Variants in SAMD5 observed in about 807,000 individuals in gnomAD.
The protein encoded by SAMD5 is sterile alpha motif domain containing 5, also known as sterile alpha motif domain-containing protein 5.
Under a neutral mutation model 11.3 loss-of-function variants are expected in SAMD5, and 13 were observed. The ratio of observed to expected loss-of-function variants is 1.15; its 90% confidence interval spans 0.75 to 1.83. The LOEUF is 1.83. SAMD5 is among the 40% of genes most tolerant of loss of function. The pLI is 0.00. For missense variants in SAMD5, 255 were observed against 239.1 expected (o/e 1.07, Z -0.44); for synonymous variants, 129 against 111.3 (o/e 1.16, Z -1.00).
chr6:147,685,282 C>T (rs1430757483), intron 1 of SAMD5, among the ~76,000 whole-genome samples: 3 of 152,100 alleles, frequency 2.0e-5, no homozygotes, highest in Non-Finnish European at 4.4e-5. Flanking sequence ...CTGCAACCTC[C>T]ACCTCCCAGG....
the SAMD5 span, among the ~76,000 whole-genome samples, chr6:147,823,066 C>T: frequency 6.6e-6 from 1 of 152,202 alleles, no homozygotes; most frequent in Admixed American, 6.5e-5. Flanking sequence ...ATCCACCTGC[C>T]TCGGCCTCCC....
chr6:147,768,896 C>T, the SAMD5 span, among the ~76,000 whole-genome samples: 5 of 152,116 alleles, frequency 3.3e-5, no homozygotes, highest in African/African-American at 1.2e-4. Flanking sequence ...CAGGTTCAAG[C>T]GATTCTCCTG....
chr6:147,586,240 A>G (rs1463213074), intron 1 of SAMD5, among the ~76,000 whole-genome samples: 2 of 152,188 alleles, frequency 1.3e-5, no homozygotes, highest in African/African-American at 2.4e-5. Context: ...AATGTCTTCA[A>G]TTACGGGCAA....
intron 1 of SAMD5, among the ~76,000 whole-genome samples, chr6:147,665,957 G>C (rs1326849099): frequency 1.3e-5 from 2 of 152,068 alleles, no homozygotes; most frequent in African/African-American, 2.4e-5. Context: ...TGTTTGTTTT[G>C]AGACAGGGTC....
At chr6:147,525,190 G>A (rs1347309618) in intron 1 of SAMD5, among the ~76,000 whole-genome samples, 1 of 150,822 alleles carries the variant, frequency 6.6e-6, no homozygotes, top group Non-Finnish European at 1.5e-5. Context: ...GTGCCCTCAA[G>A]AACTTATTGT....
At chr6:147,863,624 T>C in the SAMD5 span, among the ~76,000 whole-genome samples, 1 of 152,026 alleles carries the variant, frequency 6.6e-6, no homozygotes, top group Non-Finnish European at 1.5e-5. Context: ...TTATGGCATT[T>C]TTTTTTTCAG....
At chr6:147,911,731 A>C in the SAMD5 span, among the ~76,000 whole-genome samples, 1 of 152,354 alleles carries the variant, frequency 6.6e-6, no homozygotes, top group African/African-American at 2.4e-5. Flanking sequence ...CCAAAAACTT[A>C]GTGTCCTAAT....
the SAMD5 span, among the ~76,000 whole-genome samples, chr6:147,902,141 A>G: frequency 6.1e-5 from 7 of 114,930 alleles, no homozygotes; most frequent in Non-Finnish European, 1.2e-4. Context: ...ATCAAGGGGG[A>G]AAAAAAAGCA....
intron 1 of SAMD5, among the ~76,000 whole-genome samples, chr6:147,605,575 A>T (rs1789687239): frequency 6.6e-6 from 1 of 152,200 alleles, no homozygotes; most frequent in Non-Finnish European, 1.5e-5. Flanking sequence ...AAACAAAGCA[A>T]TGTACAGAAA....
the SAMD5 span, among the ~76,000 whole-genome samples, chr6:147,818,834 C>T: frequency 6.6e-6 from 1 of 152,148 alleles, no homozygotes; most frequent in African/African-American, 2.4e-5. Context: ...CCTTGTGACC[C>T]TTCAGTCCTA....
the SAMD5 span, among the ~76,000 whole-genome samples, chr6:147,812,728 T>C: frequency 6.6e-6 from 1 of 152,176 alleles, no homozygotes; most frequent in Non-Finnish European, 1.5e-5. Context: ...CCACAGGCAC[T>C]AGATAACTCT....
rs549272528 is a variant in SAMD5 at position 147,711,624 on chromosome 6, G to T, written c.163-25693G>T. On this transcript the variant is annotated intron_variant, in intron 1 of 1. Coordinates refer to the SAMD5 transcript ENST00000566741. This position sits in a 1 kb window ranked among gnomAD's most constrained non-coding sequence, Gnocchi z 4.1. Reference sequence around the variant, plus strand: ...AGAGAGTAAAGAAAAGGCTAGGAATGCCAAATTAAATTTCTTGGAAAATAG... The same window carrying T: ...AGAGAGTAAAGAAAAGGCTAGGAATTCCAAATTAAATTTCTTGGAAAATAG... 6.6e-6 allele frequency among the ~76,000 whole-genome samples: 1 copy of T among 152,334 alleles called. No individual in the cohort carries two copies. The highest frequency in any genetic ancestry group is 2.1e-4 in the South Asian group (1 of 4,824).
At chr6:147,669,546 G>A (rs951116286) in intron 1 of SAMD5, among the ~76,000 whole-genome samples, 4 of 148,936 alleles carry the variant, frequency 2.7e-5, no homozygotes, top group Non-Finnish European at 5.9e-5. Context: ...TCCTGCCTCA[G>A]CCTCCCAAGT....
chr6:147,726,717 C>T (rs1233281740), intron 1 of SAMD5, among the ~76,000 whole-genome samples: 1 of 152,220 alleles, frequency 6.6e-6, no homozygotes. Flanking sequence ...ACCTCTCCTT[C>T]CCAAGAACCT....
the SAMD5 span, among the ~76,000 whole-genome samples, chr6:147,897,507 G>T: frequency 6.6e-5 from 10 of 152,172 alleles, no homozygotes; most frequent in Admixed American, 6.5e-4. Flanking sequence ...AAATCATGGT[G>T]TGGTGGAAAG....
chr6:147,864,628 T>A, the SAMD5 span, among the ~76,000 whole-genome samples: 4 of 152,240 alleles, frequency 2.6e-5, no homozygotes, highest in African/African-American at 9.6e-5. Context: ...AATCCTGTGA[T>A]AGACGAGAAC....
the SAMD5 span, among the ~76,000 whole-genome samples, chr6:147,878,611 AGATATATATG>A: frequency 6.8e-6 from 1 of 146,880 alleles, no homozygotes; most frequent in Admixed American, 6.8e-5. Flanking sequence ...ATATCTATAT[AGATATATATG>A]TATATATATC....
Position 147,564,851 on chromosome 6 carries a change from A to G in SAMD5, c.*395A>G, listed in dbSNP as rs1789011839. 1 of 948,362 alleles carries G rather than the reference A, an allele frequency of 1.1e-6. No homozygotes were observed. Among genetic ancestry groups the G allele is most frequent in the South Asian group, 4.9e-5 (1 of 20,586 alleles). The allele number at this position is 948,362 out of a possible 1,614,324, so 58.7% of individuals were successfully genotyped here. A position where few individuals can be genotyped will look rare whatever the true frequency, so the allele number is the denominator to read the frequency against. ...GGTAGATTTCTGACAGTAAGTAGTA[A>G]TTATATTATTTCCAAATTTGCTTTT... On this transcript the variant is annotated 3_prime_UTR_variant, in exon 2 of 2. Coordinates refer to ENST00000367474, the MANE Select transcript of SAMD5 (RefSeq NM_001030060.3).
the SAMD5 span, among the ~76,000 whole-genome samples, chr6:147,863,368 A>G: frequency 6.6e-6 from 1 of 152,196 alleles, no homozygotes; most frequent in Admixed American, 6.5e-5. Flanking sequence ...TCTCTGGTGT[A>G]TTATAACTGT....
Sources: gnomAD v4.1 joint callset for allele counts (sites outside exome capture counted in the v4.1 genomes callset) on GRCh38, gnomAD v4.1.1 for gene constraint, Gnocchi (gnomAD v3.1) non-coding constraint, MANE v1.5 for transcripts, NCBI Gene and HGNC (gene_info 2026-07-23, HGNC 2026-07-21) for gene names.